The following HERC5 variants were observed in gnomAD, a reference collection of about 807,000 sequenced individuals.
The protein encoded by HERC5 is HECT and RLD domain containing E3 ubiquitin protein ligase 5.
HERC5 carries 99 observed loss-of-function variants against 119.6 expected under a neutral mutation model. That is an observed-to-expected ratio of 0.83 (90% CI 0.70 to 0.98). The LOEUF (loss-of-function observed/expected upper bound fraction) is 0.98, where lower values mean the gene tolerates loss of function less well. HERC5 is among the 50% of genes least tolerant of loss of function. HERC5 has a pLI of 0.00. For synonymous variants in HERC5, 478 were observed against 445.9 expected, an observed-to-expected ratio of 1.07 and a Z score of -0.91; for missense variants, 1,267 against 1,241.3, an observed-to-expected ratio of 1.02 and a Z score of -0.31.
At position 88,494,987 on chromosome 4, in the gene HERC5, G is replaced by A. The variant is rs138435954; in HGVS notation, c.2444+656G>A. ...TTCATTTTAATTTCAGGTATTATTC[G>A]TGGAAATATAAATTGGTACTCCTTT... On this transcript the variant is annotated intron_variant, in intron 18 of 22. Coordinates refer to ENST00000264350, the MANE Select transcript of HERC5 (RefSeq NM_016323.4). Among the ~76,000 whole-genome samples, 442 of 152,222 alleles carry A rather than the reference G, an allele frequency of 2.9e-3. 3 individuals are homozygous for A. The highest frequency in any genetic ancestry group is 0.017 in the South Asian group (81 of 4,826).
intron 18 of HERC5, 140 bp from the exon 19 acceptor site, chr4:88,499,786 A>T: frequency 1.8e-6 from 1 of 557,610 alleles, no homozygotes; most frequent in Non-Finnish European, 3.2e-6. Context: ...TTAGACTATC[A>T]GTACGCAGAG....
intron 12 of HERC5, among the ~76,000 whole-genome samples, chr4:88,479,057 G>A: frequency 6.6e-6 from 1 of 152,118 alleles, no homozygotes; most frequent in African/African-American, 2.4e-5. Flanking sequence ...AGGCAAAGGT[G>A]GGCGGATCAC....
In HERC5 at chr4:88,494,197, T is replaced by G. The variant is rs1350045228; in HGVS notation, c.2310T>G (p.Phe770Leu). 1.4e-5 allele frequency: 23 copies of G among 1,610,152 alleles called. No homozygotes were observed. The highest frequency in any genetic ancestry group is 6.7e-5 in the East Asian group (3 of 44,768). ...TTGAGAAGAAAAGATACTTCTTTTT[T>G]GGGGTTCTATGTGGACTTTCCCTGT... ...PKFEKKRYFF[F>L]GVLCGLSLFN... The change falls in exon 18 of 23, where the codon TTT (phenylalanine) becomes TTG (leucine). Residue 770 changes from phenylalanine to leucine, a missense_variant. Physicochemically the swap from Phe to Leu is conservative, Grantham distance 22 (BLOSUM62 0). Around this residue, in one of 3 missense-constraint regions of HERC5, gnomAD observed 473 missense variants for 445.7 expected, o/e 1.06. Transcript: ENST00000264350.
Position 88,468,417 on chromosome 4 carries a change from A to G in HERC5, c.1129A>G (p.Lys377Glu). 6.2e-7 allele frequency: 1 copy of G among 1,603,846 alleles called. No homozygotes were observed. The highest frequency in any genetic ancestry group is 8.5e-7 in the Non-Finnish European group (1 of 1,171,792). Reference sequence around the variant, plus strand: ...TCAAAGCATTTTGCTCTGGATAAAGAAAGAGGTAAAAATAGATCTCCAGGT... The same window carrying G: ...TCAAAGCATTTTGCTCTGGATAAAGGAAGAGGTAAAAATAGATCTCCAGGT... ...GNQSILLWIK[K>E]ENSYVNLKRT... The change falls in exon 8 of 23, where the codon AAA (lysine) becomes GAA (glutamate). Residue 377 changes from lysine to glutamate, a missense_variant. By Grantham distance (56) the Lys-to-Glu change is moderately conservative. Around this residue, in one of 3 missense-constraint regions of HERC5, gnomAD observed 777 missense variants for 758.0 expected, o/e 1.03. Transcript: ENST00000264350.
intron 13 of HERC5, among the ~76,000 whole-genome samples, chr4:88,480,823 C>T (rs1023376962): frequency 3.3e-5 from 5 of 152,204 alleles, no homozygotes; most frequent in Non-Finnish European, 4.4e-5. Context: ...TGTGAAATGC[C>T]TGTCCTTGAC....
At chr4:88,491,308 G>A (rs1741631932) in intron 16 of HERC5, among the ~76,000 whole-genome samples, 2 of 152,156 alleles carry the variant, frequency 1.3e-5, no homozygotes, top group Admixed American at 6.5e-5. Context: ...TGAACAGGCC[G>A]TTGGAAGTGA....
At chr4:88,481,227 A>AT (rs1262102443) in intron 13 of HERC5, among the ~76,000 whole-genome samples, 3 of 152,126 alleles carry the variant, frequency 2.0e-5, no homozygotes, top group South Asian at 2.1e-4. Flanking sequence ...TAATTTTTAT[A>AT]TTTTTTGTAG....
chr4:88,457,933 GT>G, intron 1 of HERC5: 1 of 1,008,292 alleles, frequency 9.9e-7, no homozygotes, highest in South Asian at 4.7e-5. Flanking sequence ...GTCGTTCTCA[GT>G]GATGGGATTT....
chr4:88,485,604 GTCTAGTGTCATTATTATTCATTGTCTTCA>G (rs1336979825), intron 13 of HERC5, among the ~76,000 whole-genome samples: 1 of 152,198 alleles, frequency 6.6e-6, no homozygotes, highest in East Asian at 1.9e-4. Flanking sequence ...TGTCTGAAGT[GTCTAGTGTCATTATTATTCATTGTCTTCA>G]CGACATGCCA....
intron 18 of HERC5, among the ~76,000 whole-genome samples, chr4:88,497,484 A>G (rs1741832252): frequency 6.6e-6 from 1 of 152,220 alleles, no homozygotes; most frequent in South Asian, 2.1e-4. Flanking sequence ...ATGTGGCTGA[A>G]TTCTGTTGTA....
At chr4:88,489,963 C>T (rs1741582882) in intron 16 of HERC5, among the ~76,000 whole-genome samples, 1 of 152,062 alleles carries the variant, frequency 6.6e-6, no homozygotes, top group Admixed American at 6.6e-5. Flanking sequence ...GAGCCGAGAT[C>T]ATGCCACTGC....
At chr4:88,465,181 T>A (rs1740616472) in intron 6 of HERC5, among the ~76,000 whole-genome samples, 1 of 152,110 alleles carries the variant, frequency 6.6e-6, no homozygotes, top group Admixed American at 6.5e-5. Flanking sequence ...CCTCAGAGTG[T>A]TGGGATTACA....
At chr4:88,500,856 G>T in intron 19 of HERC5, 59 bp from the exon 20 acceptor site, 1 of 1,232,606 alleles carries the variant, frequency 8.1e-7, no homozygotes, top group Non-Finnish European at 1.2e-6. Flanking sequence ...TGTTTTTATT[G>T]ATGATAGATT....
At position 88,462,182 on chromosome 4, in the gene HERC5, G is replaced by T. The variant is rs886296053; in HGVS notation, c.514G>T (p.Val172Phe). ...ACAGAACCTGCATGGGCAGCTTGGA[G>T]TTGGAAGGAAATTTCCCTCAACCAC... is the stretch of plus-strand genomic sequence containing the variant. The part of the protein sequence containing the change: ...WGQNLHGQLG[V>F]GRKFPSTTTP... The change falls in exon 4 of 23, where the codon GTT becomes TTT. Residue 172 changes from valine (V) to phenylalanine (F), a missense_variant. Around this residue, in one of 3 missense-constraint regions of HERC5, gnomAD observed 777 missense variants for 758.0 expected, o/e 1.03. Transcript: ENST00000264350. The T allele has an allele frequency of 6.2e-7, 1 of 1,614,148 alleles. No individual in the cohort carries two copies. The highest frequency in any genetic ancestry group is 1.1e-5 in the South Asian group (1 of 91,060).
chr4:88,476,033 A>G lies in HERC5; in HGVS notation c.1582+3A>G, dbSNP rs748091091. On this transcript the variant is annotated splice_donor_region_variant and intron_variant, in intron 12 of 22. Transcript: ENST00000264350. ...TGACCAGTCTTCACTGGTTCTGGGT[A>G]AGTTTGATCATTTGAAGATACTTTA... The G allele has an allele frequency of 1.9e-6, 3 of 1,608,688 alleles. No homozygotes were observed. In the South Asian group the frequency reaches 3.3e-5, roughly 18 times the overall value.
At chr4:88,486,321 A>G in intron 14 of HERC5, 93 bp downstream of exon 14, 1 of 710,258 alleles carries the variant, frequency 1.4e-6, no homozygotes, top group Non-Finnish European at 2.4e-6. Flanking sequence ...TAGAAATAGC[A>G]GGACTTGTGG....
intron 13 of HERC5, among the ~76,000 whole-genome samples, chr4:88,480,066 CAAAAAAAA>C (rs58577205): frequency 1.1e-5 from 1 of 93,946 alleles, no homozygotes; most frequent in South Asian, 3.2e-4. Context: ...GACTCCGTCT[CAAAAAAAA>C]AAAAAAAAAA....
At chr4:88,490,406 G>A (rs1198643544) in intron 16 of HERC5, among the ~76,000 whole-genome samples, 1 of 152,198 alleles carries the variant, frequency 6.6e-6, no homozygotes, top group East Asian at 1.9e-4. Flanking sequence ...TTAAGCACTA[G>A]ACTTTCTGCT....
intron 8 of HERC5, among the ~76,000 whole-genome samples, chr4:88,468,865 C>T (rs1398985526): frequency 2.0e-5 from 3 of 152,228 alleles, no homozygotes; most frequent in African/African-American, 7.2e-5. Flanking sequence ...TCAGGATCTT[C>T]CCTTCCCTTC....
Sources: gnomAD v4.1 joint callset for allele counts (sites outside exome capture counted in the v4.1 genomes callset) on GRCh38, gnomAD v4.1.1 for gene constraint, gnomAD v4.1.1 regional missense constraint, MANE v1.5 for transcripts, NCBI Gene and HGNC (gene_info 2026-07-23, HGNC 2026-07-21) for gene names.